CRADD: variants seen among roughly 807,000 people sequenced by gnomAD.
CRADD encodes death domain-containing protein CRADD.
CRADD carries 9 observed loss-of-function variants against 15.5 expected under a neutral mutation model. The observed-to-expected ratio is 0.58, with a 90% confidence interval of 0.35 to 1.01. CRADD has a LOEUF of 1.01. Among genes scored for constraint, CRADD ranks in the 50% least tolerant of loss-of-function variants. CRADD has a pLI of 0.02. For synonymous variants in CRADD, 118 were observed against 107.6 expected, an observed-to-expected ratio of 1.10 and a Z score of -0.60; for missense variants, 227 against 250.3, an observed-to-expected ratio of 0.91 and a Z score of 0.63.
intron 2 of CRADD, among the ~76,000 whole-genome samples, chr12:93,748,346 C>T (rs1408184425): frequency 1.3e-5 from 2 of 152,160 alleles, no homozygotes; most frequent in Non-Finnish European, 2.9e-5. Context: ...ACTCTTGTTG[C>T]CCAGGCTGGA....
intron 2 of CRADD, among the ~76,000 whole-genome samples, chr12:93,892,774 AC>A (rs558526421): frequency 6.6e-6 from 1 of 151,522 alleles, no homozygotes; most frequent in East Asian, 1.9e-4. Flanking sequence ...CTTCTTGCTC[AC>A]CCCATCTGCT....
intron 2 of CRADD, among the ~76,000 whole-genome samples, chr12:93,688,210 A>G (rs984500354): frequency 6.6e-6 from 1 of 152,256 alleles, no homozygotes; most frequent in African/African-American, 2.4e-5. Context: ...ATAATTAAAA[A>G]TGAATTTCAG....
At chr12:93,891,754 T>C (rs1198228757) in intron 2 of CRADD, among the ~76,000 whole-genome samples, 1 of 152,110 alleles carries the variant, frequency 6.6e-6, no homozygotes, top group Non-Finnish European at 1.5e-5. Flanking sequence ...CAGTAAGCTG[T>C]CATAGCTGAG....
chr12:93,878,947 G>A lies in CRADD; in HGVS notation c.299-15103G>A, dbSNP rs116144816. 4.8e-3 allele frequency among the ~76,000 whole-genome samples: 738 copies of A among 152,246 alleles called. 5 individuals are homozygous for A. The highest frequency in any genetic ancestry group is 0.016 in the African/African-American group (648 of 41,540). On this transcript the variant is annotated intron_variant, in intron 2 of 2. Transcript: ENST00000548483. The stretch of plus-strand genomic sequence containing the variant: ...TTGTTAAATTGGTGTCCTTGCTGGG[G>A]GGAAGATAGGTGGCACTTTCTATTC...
chr12:93,683,598 C>T (rs1431313292), intron 2 of CRADD, among the ~76,000 whole-genome samples: 2 of 152,160 alleles, frequency 1.3e-5, no homozygotes, highest in Admixed American at 6.5e-5. Flanking sequence ...AACAGCAGTG[C>T]GCAGGACTGG....
At position 93,753,737 on chromosome 12, in the gene CRADD, G is replaced by A. The variant is rs531776033; in HGVS notation, c.298+74665G>A. On this transcript the variant is annotated intron_variant, in intron 2 of 2. Transcript: ENST00000332896. ...ATCCAGGTCCTGCTGGATGTAAGAGGTGGTCTCCCACAACTTTGGGCAGCT... is the reference window on the plus strand; with the variant it reads ...ATCCAGGTCCTGCTGGATGTAAGAGATGGTCTCCCACAACTTTGGGCAGCT... Among the ~76,000 whole-genome samples the A allele has an allele frequency of 1.2e-4, 18 of 152,344 alleles. No homozygotes were observed. The South Asian group carries it at 3.7e-3, about 32-fold the overall frequency.
At chr12:93,892,677 G>A (rs960716190) in intron 2 of CRADD, among the ~76,000 whole-genome samples, 2 of 152,114 alleles carry the variant, frequency 1.3e-5, no homozygotes, top group African/African-American at 4.8e-5. Context: ...CTGTTAGCTG[G>A]TGGGCGCTCT....
In CRADD at chr12:93,717,625, A is replaced by G. The variant is rs1004828934; in HGVS notation, c.298+38553A>G. Reference sequence around the variant, plus strand: ...ACCTCCGCCTCCTGGGGTTTAAGCAATTCTCCTGCCTCAGCCTCTCAAGTA... The same window carrying G: ...ACCTCCGCCTCCTGGGGTTTAAGCAGTTCTCCTGCCTCAGCCTCTCAAGTA... On this transcript the variant is annotated intron_variant, in intron 2 of 2. Transcript: ENST00000332896. Among the ~76,000 whole-genome samples, 8 of 152,222 alleles carry G rather than the reference A, an allele frequency of 5.3e-5. No homozygotes were observed. In the East Asian group the frequency reaches 1.5e-3, roughly 29 times the overall value.
At chr12:93,862,643 A>G (rs751160123) in intron 2 of CRADD, among the ~76,000 whole-genome samples, 2 of 152,224 alleles carry the variant, frequency 1.3e-5, no homozygotes, top group Non-Finnish European at 2.9e-5. Context: ...AACCAGGCCA[A>G]GAGTTTGGGT....
chr12:93,721,498 C>T (rs1471852954), intron 2 of CRADD, among the ~76,000 whole-genome samples: 6 of 152,090 alleles, frequency 3.9e-5, no homozygotes, highest in African/African-American at 1.4e-4. Context: ...TATATGTGGG[C>T]TTTGCCTCCA....
intron 2 of CRADD, among the ~76,000 whole-genome samples, chr12:93,706,581 A>G (rs1955956719): frequency 6.6e-6 from 1 of 152,192 alleles, no homozygotes; most frequent in Admixed American, 6.5e-5. Context: ...ATCAGAAGCC[A>G]CTTATTCACA....
At chr12:93,713,058 A>G (rs77684847) in intron 2 of CRADD, among the ~76,000 whole-genome samples, 197 of 152,120 alleles carry the variant, frequency 1.3e-3, no homozygotes, top group African/African-American at 4.0e-3. Context: ...CTTTATTTTG[A>G]AGATCGTTTT....
In CRADD at chr12:93,678,975, A is replaced by G; in HGVS notation, c.201A>G (p.Lys67=). The part of the protein sequence containing the change: ...LLDILPSRGP[K]AFDTFLDSLQ... ...ATATCCTACCTTCCAGGGGCCCTAA[A>G]GCATTTGATACATTCCTAGATTCCC... Residue 67 remains lysine (K), a synonymous_variant, in exon 2 of 3, where the codon AAA becomes AAG. Transcript: ENST00000332896. The G allele has an allele frequency of 6.2e-7, 1 of 1,614,088 alleles. No homozygotes were observed. Among genetic ancestry groups the G allele is most frequent in the Non-Finnish European group, 8.5e-7 (1 of 1,179,940 alleles).
intron 2 of CRADD, among the ~76,000 whole-genome samples, chr12:93,869,006 A>G (rs1958395513): frequency 6.6e-6 from 1 of 152,224 alleles, no homozygotes; most frequent in African/African-American, 2.4e-5. Context: ...AGAGCATAGC[A>G]GAAAACATCA....
chr12:93,709,294 T>C (rs1956016723), intron 2 of CRADD, among the ~76,000 whole-genome samples: 1 of 152,214 alleles, frequency 6.6e-6, no homozygotes, highest in South Asian at 2.1e-4. Flanking sequence ...GCAATACATA[T>C]GAAGGTTTGT....
chr12:93,838,425 T>C (rs1958004460), intron 2 of CRADD, among the ~76,000 whole-genome samples: 1 of 151,848 alleles, frequency 6.6e-6, no homozygotes, highest in African/African-American at 2.4e-5. Flanking sequence ...CCACTCACAT[T>C]AGCTACAGAG....
rs368104878 is a variant in CRADD at position 93,807,981 on chromosome 12, C to CAAAAAAA, written c.299-41975_299-41969dup. ...ATGTTAGAAGATGGTAAGTGTTATG[C>CAAAAAAA]AAAAAAAAAAAAAAAAAAAAGTATA... On this transcript the variant is annotated intron_variant, in intron 2 of 2. Coordinates refer to ENST00000332896, the MANE Select transcript of CRADD (RefSeq NM_003805.5). Among the ~76,000 whole-genome samples the CAAAAAAA allele has an allele frequency of 3.6e-3, 241 of 67,696 alleles. 20 individuals are homozygous for CAAAAAAA. Among genetic ancestry groups the CAAAAAAA allele is most frequent in the South Asian group, 0.025 (31 of 1,262 alleles). 44.4% of individuals were successfully genotyped at this position (67,696 alleles called of 152,430 possible).
intron 2 of CRADD, among the ~76,000 whole-genome samples, chr12:93,746,151 A>C (rs1179421577): frequency 6.6e-6 from 1 of 152,228 alleles, no homozygotes; most frequent in Non-Finnish European, 1.5e-5. Context: ...GAGAAAATTA[A>C]TGAGCTACAG....
At chr12:93,761,589 GA>G (rs1956964083) in intron 2 of CRADD, among the ~76,000 whole-genome samples, 1 of 152,112 alleles carries the variant, frequency 6.6e-6, no homozygotes, top group Non-Finnish European at 1.5e-5. Context: ...GCAGACCTGG[GA>G]TGTCATCTCA....
Sources: gnomAD v4.1 joint callset for allele counts (sites outside exome capture counted in the v4.1 genomes callset) on GRCh38, gnomAD v4.1.1 for gene constraint, MANE v1.5 for transcripts, NCBI Gene and HGNC (gene_info 2026-07-23, HGNC 2026-07-21) for gene names.